The following NBPF26 variants were observed in gnomAD, a reference collection of about 807,000 sequenced individuals.
The protein encoded by NBPF26 is NBPF member 26.
In NBPF26, 79 loss-of-function variants were observed where a neutral mutation model predicts 119.6. The ratio of observed to expected loss-of-function variants is 0.66; its 90% CI spans 0.55 to 0.80. The LOEUF (loss-of-function observed/expected upper bound fraction) is 0.80, where lower values mean the gene tolerates loss of function less well. Among genes scored for constraint, NBPF26 ranks in the 30% least tolerant of loss-of-function variants. NBPF26 has a pLI of 0.00. For missense variants in NBPF26, 800 were observed against 1,198.2 expected (o/e 0.67, Z 4.91); for synonymous variants, 299 against 457.7 (o/e 0.65, Z 4.43).
rs1416046840 is a variant in NBPF26 at position 120,823,088 on chromosome 1, A to T, written c.2588-221A>T. The stretch of plus-strand genomic sequence containing the variant: ...ACCTAGGACAGAGCACATAGGGAAG[A>T]TAACATTCCAACACAGGGGAATTTT... On this transcript the variant is annotated intron_variant, in intron 16 of 29. Coordinates refer to ENST00000620612, the Ensembl canonical transcript of NBPF26. Among the ~76,000 whole-genome samples, 2 of 119,190 alleles carry T rather than the reference A, an allele frequency of 1.7e-5. 1 individual carries two copies. The highest frequency in any genetic ancestry group is 3.3e-5 in the Non-Finnish European group (2 of 59,760). The allele number at this position is 119,190 out of a possible 152,430, so 78.2% of individuals were successfully genotyped here. A position where few individuals can be genotyped will look rare whatever the true frequency, so the allele number is the denominator to read the frequency against.
chr1:120,815,348 G>C lies in NBPF26; in HGVS notation c.2092+305G>C, dbSNP rs1651984801. 2.6e-5 allele frequency among the ~76,000 whole-genome samples: 3 copies of C among 116,638 alleles called. No individual in the cohort carries two copies. In the South Asian group the frequency reaches 7.5e-4, roughly 29 times the overall value. The allele number at this position is 116,638 out of a possible 152,430, so 76.5% of individuals were successfully genotyped here. On this transcript the variant is annotated intron_variant, in intron 12 of 29. Coordinates refer to ENST00000620612, the Ensembl canonical transcript of NBPF26. ...GGGAGCAGGCTTGTTAGAGTGAAAA[G>C]AGCTCTGGACTAAGAATGAAGGTTC...
intron 10 of NBPF26, among the ~76,000 whole-genome samples, chr1:120,812,696 G>A (rs1359444856): frequency 4.2e-5 from 3 of 71,682 alleles, no homozygotes; most frequent in South Asian, 4.4e-4. Context: ...AGGCTGAGGC[G>A]GGCAGATCAT....
chr1:120,764,030 C>T lies in NBPF26; in HGVS notation c.155+321C>T, dbSNP rs1217015842. ...TCAGGAGGCTGAGTTGGGCGAATCA[C>T]GAGGTCAGGAGTTCAAGATCAGCCT... On this transcript the variant is annotated intron_variant, in intron 2 of 29. Transcript: ENST00000620612. Among the ~76,000 whole-genome samples, 6 of 114,180 alleles carry T rather than the reference C, an allele frequency of 5.3e-5. 1 individual carries two copies. The highest frequency in any genetic ancestry group is 6.7e-5 in the Non-Finnish European group (4 of 59,746). The allele number at this position is 114,180 out of a possible 152,430, so 74.9% of individuals were successfully genotyped here. A position where few individuals can be genotyped will look rare whatever the true frequency, so the allele number is the denominator to read the frequency against.
At chr1:120,822,375 G>C in intron 16 of NBPF26, 108 bp downstream of exon 16, 2 of 663,752 alleles carry the variant, frequency 3.0e-6, no homozygotes, top group Non-Finnish European at 4.6e-6. Flanking sequence ...CCATCACTGT[G>C]GGCTGAACCT....
At position 120,840,235 on chromosome 1, in the gene NBPF26, T is replaced by C. The variant is rs1395654781; in HGVS notation, c.4104-115T>C. The C allele has an allele frequency of 9.8e-5, 137 of 1,396,488 alleles. 27 individuals carry two copies. The highest frequency in any genetic ancestry group is 1.4e-4 in the African/African-American group (5 of 35,576). 86.5% of individuals were successfully genotyped at this position (1,396,488 alleles called of 1,614,324 possible). On this transcript the variant is annotated intron_variant, in intron 29 of 29. Coordinates refer to ENST00000620612, the Ensembl canonical transcript of NBPF26. ...ATAAATTTTTTTTTTACCTCATTAATGGATCTATCCTTTTTCTTTTCTAAC... is the reference window on the plus strand; with the variant it reads ...ATAAATTTTTTTTTTACCTCATTAACGGATCTATCCTTTTTCTTTTCTAAC...
At chr1:120,806,525 A>C (rs1317226484) in intron 5 of NBPF26, among the ~76,000 whole-genome samples, 1 of 124,100 alleles carries the variant, frequency 8.1e-6, no homozygotes, top group Non-Finnish European at 1.6e-5. Context: ...CCCAGCAGGC[A>C]GATGTTGCAG....
rs1308416606 is a variant in NBPF26, at chr1:120,806,843, C to A, written c.962-764C>A. 3.3e-5 allele frequency among the ~76,000 whole-genome samples: 4 copies of A among 121,402 alleles called. 1 individual carries two copies. Among genetic ancestry groups the A allele is most frequent in the Non-Finnish European group, 6.6e-5 (4 of 60,210 alleles). 79.6% of individuals were successfully genotyped at this position (121,402 alleles called of 152,430 possible). ...TTCCTCATCTGTTCAGAGGGTACTA[C>A]AATAATACCTACCTCTGTAAATTGC... On this transcript the variant is annotated intron_variant, in intron 5 of 29. Transcript: ENST00000620612.
At chr1:120,840,302 G>A (rs1387330442) in intron 29 of NBPF26, 48 bp from the exon 36 acceptor site, 1 of 1,444,028 alleles carries the variant, frequency 6.9e-7, no homozygotes, top group East Asian at 2.3e-5. Flanking sequence ...GGGCTCTGTG[G>A]TGTCCGATTT....
At chr1:120,768,656 G>A (rs1319839452) in intron 2 of NBPF26, among the ~76,000 whole-genome samples, 73,632 of 100,372 alleles carry the variant, frequency 0.73, 31,309 homozygotes, top group Non-Finnish European at 0.77. Context: ...AGTTTGCTTC[G>A]CTTTTTCTGA....
chr1:120,811,807 G>T lies in NBPF26; in HGVS notation c.1565-79G>T, dbSNP rs1197937719. ...CAAATAAGTAAACAAGGCTACCAGT[G>T]ACATCCCTCAGTCCTGATTAAGCCT... On this transcript the variant is annotated intron_variant, in intron 9 of 29. Transcript: ENST00000620612. The T allele has an allele frequency of 8.7e-6, 6 of 691,224 alleles. 2 individuals carry two copies. The highest frequency in any genetic ancestry group is 7.0e-5 in the African/African-American group (2 of 28,754). 42.8% of individuals were successfully genotyped at this position (691,224 alleles called of 1,614,324 possible).
chr1:120,811,051 T>G (rs1651849165), intron 9 of NBPF26, among the ~76,000 whole-genome samples: 1 of 97,768 alleles, frequency 1.0e-5, no homozygotes, highest in Non-Finnish European at 1.9e-5. Flanking sequence ...CCATCCTGGC[T>G]AACACGGTGA....
chr1:120,832,686 C>G (rs1236738749), intron 22 of NBPF26, among the ~76,000 whole-genome samples, 189 bp from the exon 27 acceptor site: 11 of 120,928 alleles, frequency 9.1e-5, no homozygotes, highest in African/African-American at 4.6e-4. Context: ...ACTTTACCCA[C>G]AGTTTCTGGG....
intron 2 of NBPF26, among the ~76,000 whole-genome samples, chr1:120,784,691 T>A (rs1415073283): frequency 8.4e-6 from 1 of 118,506 alleles, no homozygotes; most frequent in Non-Finnish European, 1.6e-5. Flanking sequence ...CTCCATCTAT[T>A]GTGCATCTTT....
chr1:120,743,798 G>T lies in NBPF26; in HGVS notation c.73+19548G>T. On this transcript the variant is annotated intron_variant, in intron 1 of 29. Coordinates refer to ENST00000620612, the Ensembl canonical transcript of NBPF26. ...TATGGATAGTGTGAGCCCAGGGAAT[G>T]TGCTTAGATAAAAGCACATTTAACA... is the stretch of plus-strand genomic sequence containing the variant. 1.6e-5 allele frequency among the ~76,000 whole-genome samples: 2 copies of T among 127,110 alleles called. 1 individual carries two copies. The highest frequency in any genetic ancestry group is 7.7e-3 in the Middle Eastern group (2 of 260). The allele number at this position is 127,110 out of a possible 152,430, so 83.4% of individuals were successfully genotyped here.
chr1:120,769,682 G>C (rs1480747046), intron 2 of NBPF26, among the ~76,000 whole-genome samples: 1 of 118,540 alleles, frequency 8.4e-6, no homozygotes, highest in Non-Finnish European at 1.6e-5. Context: ...CTATTTATGT[G>C]TACCACATAT....
At chr1:120,759,486 C>T (rs1651111267) in intron 1 of NBPF26, among the ~76,000 whole-genome samples, 1 of 69,004 alleles carries the variant, frequency 1.4e-5, no homozygotes. Flanking sequence ...TCTTTTTTTA[C>T]TTTATAAGCA....
chr1:120,724,856 A>G (rs1650801089), intron 1 of NBPF26, among the ~76,000 whole-genome samples: 2 of 77,658 alleles, frequency 2.6e-5, no homozygotes, highest in South Asian at 4.1e-4. Flanking sequence ...CGCGTCTTTG[A>G]AAGGTGGAGG....
intron 1 of NBPF26, among the ~76,000 whole-genome samples, chr1:120,756,340 A>G (rs1651079573): frequency 8.5e-6 from 1 of 117,250 alleles, no homozygotes; most frequent in African/African-American, 4.9e-5. Flanking sequence ...TCATCTCTCA[A>G]ATATTGCTAC....
chr1:120,806,428 A>C lies in NBPF26; in HGVS notation c.961+663A>C, dbSNP rs1651685743. Among the ~76,000 whole-genome samples, 2 of 110,356 alleles carry C rather than the reference A, an allele frequency of 1.8e-5. 1 individual carries two copies. The highest frequency in any genetic ancestry group is 4.3e-4 in the East Asian group (2 of 4,674). 72.4% of individuals were successfully genotyped at this position (110,356 alleles called of 152,430 possible). A position where few individuals can be genotyped will look rare whatever the true frequency, so the allele number is the denominator to read the frequency against. On this transcript the variant is annotated intron_variant, in intron 5 of 29. Coordinates refer to ENST00000620612, the Ensembl canonical transcript of NBPF26. ...GGCAACATGGAGAAACCCCATCTCC[A>C]CTAAAAATACAAAAAGTAGATGGGC...
Sources: gnomAD v4.1 joint callset for allele counts (sites outside exome capture counted in the v4.1 genomes callset) on GRCh38, gnomAD v4.1.1 for gene constraint, MANE v1.5 for transcripts, NCBI Gene and HGNC (gene_info 2026-07-23, HGNC 2026-07-21) for gene names.